The following SI variants were observed in gnomAD, a reference collection of about 807,000 sequenced individuals.
The protein encoded by SI is sucrase-isomaltase, intestinal.
Under a neutral mutation model 253.3 loss-of-function variants are expected in SI, and 235 were observed. That is an observed-to-expected ratio of 0.93 (90% CI 0.83 to 1.03). The LOEUF is 1.03. SI is among the 50% of genes least tolerant of loss of function. The pLI, the probability that SI is intolerant of heterozygous loss-of-function variation, is 0.00. For missense variants in SI, 2,442 were observed against 2,211.1 expected (o/e 1.10, Z -2.09); for synonymous variants, 819 against 712.0 (o/e 1.15, Z -2.39).
intron 44 of SI, among the ~76,000 whole-genome samples, chr3:164,987,446 C>A (rs137925697): frequency 1.3e-5 from 2 of 152,110 alleles, no homozygotes; most frequent in African/African-American, 4.8e-5. Flanking sequence ...TGCGGTGGCT[C>A]ACGCCTGTAA....
the SI span, among the ~76,000 whole-genome samples, chr3:165,089,797 G>T: frequency 6.6e-6 from 1 of 151,886 alleles, no homozygotes; most frequent in Non-Finnish European, 1.5e-5. Context: ...CTCCCTGTCT[G>T]TTGGCCTAGG....
At chr3:165,050,394 T>C (rs1265120053) in intron 13 of SI, among the ~76,000 whole-genome samples, 1 of 152,074 alleles carries the variant, frequency 6.6e-6, no homozygotes, top group Non-Finnish European at 1.5e-5. Flanking sequence ...ACAGAATCTC[T>C]GAAACATTCA....
At chr3:165,078,407 A>G (rs545523430) in intron 1 of SI, 26 bp downstream of exon 1, 1 of 152,184 alleles carries the variant, frequency 6.6e-6, no homozygotes, top group South Asian at 2.1e-4. Context: ...TAAAAATAAC[A>G]AAAAACATAT....
chr3:165,016,156 A>G, intron 31 of SI, 76 bp from the exon 32 acceptor site: 1 of 1,310,106 alleles, frequency 7.6e-7, no homozygotes, highest in Non-Finnish European at 1.1e-6. Flanking sequence ...TCATACTTAT[A>G]AAAGTAACAG....
intron 25 of SI, among the ~76,000 whole-genome samples, chr3:165,025,665 G>C (rs1356332369): frequency 1.3e-5 from 2 of 151,342 alleles, no homozygotes; most frequent in Admixed American, 6.6e-5. Context: ...CAAGCTAGAA[G>C]GGATTGGGGC....
At chr3:165,031,218 T>A (rs867183447) in intron 24 of SI, among the ~76,000 whole-genome samples, 1 of 149,772 alleles carries the variant, frequency 6.7e-6, no homozygotes, top group African/African-American at 2.4e-5. Flanking sequence ...CACCTAGATT[T>A]TCATCTGCAT....
chr3:165,004,462 G>T (rs1367843331), intron 37 of SI, among the ~76,000 whole-genome samples: 1 of 152,026 alleles, frequency 6.6e-6, no homozygotes, highest in Non-Finnish European at 1.5e-5. Flanking sequence ...GCATCCAAAA[G>T]AAAGATATAT....
chr3:165,025,460 G>T (rs992658124), intron 25 of SI, among the ~76,000 whole-genome samples: 1 of 151,122 alleles, frequency 6.6e-6, no homozygotes, highest in Non-Finnish European at 1.5e-5. Context: ...CCCTGGCCTT[G>T]CTAGAGATCT....
At chr3:165,031,536 T>C (rs1712246153) in intron 24 of SI, among the ~76,000 whole-genome samples, 1 of 150,060 alleles carries the variant, frequency 6.7e-6, no homozygotes, top group Middle Eastern at 3.4e-3. Context: ...ATTCTTATAG[T>C]GCTAGGAAAT....
At chr3:165,089,043 T>G in the SI span, among the ~76,000 whole-genome samples, 6 of 151,810 alleles carry the variant, frequency 4.0e-5, no homozygotes, top group East Asian at 7.8e-4. Flanking sequence ...CCAAATTTGC[T>G]GTCTTGGTTT....
In SI at chr3:165,015,072, A is replaced by G. The variant is rs766164418; in HGVS notation, c.3999+51T>C. The G allele has an allele frequency of 3.6e-6, 5 of 1,380,196 alleles. No individual in the cohort carries two copies. The East Asian group carries it at 9.6e-5, about 27-fold the overall frequency. 85.5% of individuals were successfully genotyped at this position (1,380,196 alleles called of 1,614,324 possible). ...TTTTACTAATTAAATGGAAACTTTCATTGAAATATAATTTTTGTATTTATT... is the reference window on the plus strand; with the variant it reads ...TTTTACTAATTAAATGGAAACTTTCGTTGAAATATAATTTTTGTATTTATT... On this transcript the variant is annotated intron_variant, in intron 33 of 47. Transcript: ENST00000264382.
At chr3:165,023,496 A>G in intron 26 of SI, 74 bp downstream of exon 26, 2 of 1,002,942 alleles carry the variant, frequency 2.0e-6, no homozygotes, top group Non-Finnish European at 1.6e-6. Context: ...TACATTAAAT[A>G]TCAATCACAG....
Position 164,987,242 on chromosome 3 carries a change from A to G in SI, c.5109-16T>C, listed in dbSNP as rs1404422575. On this transcript the variant is annotated splice_polypyrimidine_tract_variant and intron_variant, in intron 44 of 47. Coordinates refer to ENST00000264382, the MANE Select transcript of SI (RefSeq NM_001041.4). ...TTTTTGTCGACTATAAGAAAGAAATATATAATTTTACCCATGTTTGTAGAA... is the reference window on the plus strand; with the variant it reads ...TTTTTGTCGACTATAAGAAAGAAATGTATAATTTTACCCATGTTTGTAGAA... 2 of 1,601,544 alleles carry G rather than the reference A, an allele frequency of 1.2e-6. No individual in the cohort carries two copies. Among genetic ancestry groups the G allele is most frequent in the East Asian group, 2.2e-5 (1 of 44,672 alleles).
At chr3:165,058,929 G>A in intron 12 of SI, 34 bp downstream of exon 12, 1 of 1,582,644 alleles carries the variant, frequency 6.3e-7, no homozygotes, top group Non-Finnish European at 8.7e-7. Context: ...AAGAAAATTT[G>A]AGCAACATAG....
Position 165,006,811 on chromosome 3 carries a change from C to G in SI, c.4406+5G>C, listed in dbSNP as rs755381077. 1 of 1,611,096 alleles carries G rather than the reference C, an allele frequency of 6.2e-7. No individual in the cohort carries two copies. The highest frequency in any genetic ancestry group is 1.7e-5 in the Admixed American group (1 of 59,984). ...TCAGAGAGGATAATTCAGAACATTG[C>G]TTACTCATGAGTAGGTTTCATCTGT... On this transcript the variant is annotated splice_donor_5th_base_variant and intron_variant, in intron 37 of 47. Transcript: ENST00000264382.
At chr3:165,038,100 A>G in intron 20 of SI, 76 bp from the exon 21 acceptor site, 1 of 1,316,934 alleles carries the variant, frequency 7.6e-7, no homozygotes, top group Non-Finnish European at 1.1e-6. Context: ...ATTAAAAGGC[A>G]TTTTTATTAT....
intron 13 of SI, among the ~76,000 whole-genome samples, chr3:165,050,809 T>A (rs919544155): frequency 1.3e-5 from 2 of 152,008 alleles, no homozygotes; most frequent in African/African-American, 2.4e-5. Flanking sequence ...CTTTTCCCCA[T>A]CCACATCATG....
chr3:165,011,102 T>A (rs1718748629), intron 34 of SI, among the ~76,000 whole-genome samples: 1 of 152,142 alleles, frequency 6.6e-6, no homozygotes, highest in African/African-American at 2.4e-5. Context: ...TTCTATTTAT[T>A]TTGTGTTTTT....
Position 165,055,206 on chromosome 3 carries a change from A to C in SI, c.1500T>G (p.Asp500Glu), listed in dbSNP as rs776358754. 3.1e-6 allele frequency: 5 copies of C among 1,601,626 alleles called. No homozygotes were observed. The highest frequency in any genetic ancestry group is 4.3e-6 in the Non-Finnish European group (5 of 1,169,346). The change falls in exon 13 of 48, where the codon GAT becomes GAG. Residue 500 changes from aspartate (D) to glutamate (E), a missense_variant. Physicochemically the swap from Asp to Glu is conservative, Grantham distance 45. Transcript: ENST00000264382. ...CSIFHQEVQY[D>E]GLWIDMNEVS... ...AATAGCTACTTACAATCCAAAGTCC[A>C]TCATATTGCACTTCTTGATGGAAAA...
Sources: allele counts gnomAD v4.1 joint callset (sites outside exome capture counted in the v4.1 genomes callset), GRCh38; gene constraint gnomAD v4.1.1; transcripts MANE v1.5; gene names NCBI Gene and HGNC (gene_info 2026-07-23, HGNC 2026-07-21).